The following PPCS variants were observed in gnomAD, a reference collection of about 807,000 sequenced individuals.
PPCS encodes phosphopantothenoylcysteine synthetase, also known as phosphopantothenate--cysteine ligase.
Under a neutral mutation model 24.6 loss-of-function variants are expected in PPCS, and 17 were observed. That is an observed-to-expected ratio of 0.69 (90% CI 0.47 to 1.04). The LOEUF is 1.04. PPCS is among the 50% of genes least tolerant of loss of function. The probability of loss-of-function intolerance (pLI) is 0.00; values close to 1 mark genes in which losing one functional copy is unlikely to be tolerated. For missense variants in PPCS, 360 were observed against 402.8 expected (o/e 0.89, Z 0.91); for synonymous variants, 190 against 168.3 (o/e 1.13, Z -1.00).
chr1:42,461,474 T>C (rs886372870), downstream of PPCS, among the ~76,000 whole-genome samples: 1 of 151,974 alleles, frequency 6.6e-6, no homozygotes, highest in African/African-American at 2.4e-5. Flanking sequence ...CAGCTGAGAC[T>C]ACAGGTGTGT....
In PPCS at chr1:42,459,850, A is replaced by G; in HGVS notation, c.860A>G (p.Lys287Arg). 1 of 1,614,206 alleles carries G rather than the reference A, an allele frequency of 6.2e-7. No homozygotes were observed. Among genetic ancestry groups the G allele is most frequent in the Non-Finnish European group, 8.5e-7 (1 of 1,180,042 alleles). The part of the protein sequence containing the change: ...KLLLSEEEIE[K>R]GVEIEEKIVD... ...TTGCTATCAGAGGAAGAAATAGAAA[A>G]AGGCGTAGAGATAGAAGAGAAGATA... The change falls in exon 3 of 3, where the codon AAA (lysine) becomes AGA (arginine). Residue 287 changes from lysine (K) to arginine (R), a missense_variant. Coordinates refer to ENST00000372561, the MANE Select transcript of PPCS (RefSeq NM_024664.4).
chr1:42,460,815 CAAATG>C lies in PPCS; in HGVS notation c.*894_*898del, dbSNP rs569429104. Among the ~76,000 whole-genome samples, 2 of 152,324 alleles carry C rather than the reference CAAATG, an allele frequency of 1.3e-5. No homozygotes were observed. Among genetic ancestry groups the C allele is most frequent in the African/African-American group, 4.8e-5 (2 of 41,576 alleles). On this transcript the variant is annotated 3_prime_UTR_variant, in exon 3 of 3. Transcript: ENST00000372561. ...AAGTAATGCCATTTATTGTGAGGAT[CAAATG>C]AAATAGCAAAAAGAAAGCATCAGTC...
At chr1:42,465,746 G>A (rs1557784319), downstream of PPCS, among the ~76,000 whole-genome samples, 2 of 152,164 alleles carry the variant, frequency 1.3e-5, no homozygotes. Context: ...AGCATTTTTA[G>A]TTGTCACAAC....
downstream of PPCS, among the ~76,000 whole-genome samples, chr1:42,466,086 ATGTG>A: frequency 6.6e-6 from 1 of 152,276 alleles, no homozygotes; most frequent in Non-Finnish European, 1.5e-5. Context: ...TTTATTTAAG[ATGTG>A]TGTGAGTTTT....
rs878975761 is a variant in PPCS at position 42,460,410 on chromosome 1, A to G, written c.*484A>G. On this transcript the variant is annotated 3_prime_UTR_variant, in exon 3 of 3. Coordinates refer to ENST00000372561, the MANE Select transcript of PPCS (RefSeq NM_024664.4). ...GTGTGTCCAAAAGCTGACACAATGG[A>G]AAGGATGTTTTGTTTTGTTTGAAAT... 3 of 985,260 alleles carry G rather than the reference A, an allele frequency of 3.0e-6. No homozygotes were observed. The Admixed American group carries it at 1.8e-4, about 60-fold the overall frequency. The allele number at this position is 985,260 out of a possible 1,614,324, so 61.0% of individuals were successfully genotyped here.
chr1:42,457,326 C>T lies in PPCS; in HGVS notation c.588C>T (p.Ile196=), dbSNP rs754044197. 1.2e-6 allele frequency: 2 copies of T among 1,614,016 alleles called. No homozygotes were observed. The highest frequency in any genetic ancestry group is 8.5e-7 in the Non-Finnish European group (1 of 1,179,996). Reference sequence around the variant, plus strand: ...TCTCTGAAATGCCTGAACACAAGATCCAGTCATCTGGGGGCCCACTGCAGG... The same window carrying T: ...TCTCTGAAATGCCTGAACACAAGATTCAGTCATCTGGGGGCCCACTGCAGG... ...VPVSEMPEHK[I]QSSGGPLQIT... Residue 196 remains isoleucine (I), a synonymous_variant, in exon 2 of 3, where the codon ATC becomes ATT. Coordinates refer to ENST00000372561, the MANE Select transcript of PPCS (RefSeq NM_024664.4).
chr1:42,466,121 G>GTATTCTT, downstream of PPCS, among the ~76,000 whole-genome samples: 1 of 152,292 alleles, frequency 6.6e-6, no homozygotes, highest in East Asian at 1.9e-4. Flanking sequence ...TGTGTGAAAG[G>GTATTCTT]AGTGGAAAAT....
At position 42,456,562 on chromosome 1, in the gene PPCS, G is replaced by A. The variant is rs1643189587; in HGVS notation, c.-4G>A. On this transcript the variant is annotated 5_prime_UTR_variant, in exon 1 of 3. Transcript: ENST00000372561. Reference sequence around the variant, plus strand: ...GTGCGCAGGCGCCGGCCGCTGCGCTGCAGATGGCGGAAATGGATCCGGTAG... The same window carrying A: ...GTGCGCAGGCGCCGGCCGCTGCGCTACAGATGGCGGAAATGGATCCGGTAG... The A allele has an allele frequency of 2.0e-6, 3 of 1,470,784 alleles. No individual in the cohort carries two copies. The highest frequency in any genetic ancestry group is 1.4e-5 in the African/African-American group (1 of 69,914). The allele number at this position is 1,470,784 out of a possible 1,614,324, so 91.1% of individuals were successfully genotyped here. A position where few individuals can be genotyped will look rare whatever the true frequency, so the allele number is the denominator to read the frequency against.
intron 2 of PPCS, among the ~76,000 whole-genome samples, chr1:42,458,376 G>A (rs1043684503): frequency 6.6e-6 from 1 of 152,136 alleles, no homozygotes; most frequent in Non-Finnish European, 1.5e-5. Context: ...GGAGTTCTTA[G>A]TCATTTATTG....
intron 2 of PPCS, 163 bp downstream of exon 2, chr1:42,457,513 A>T: frequency 1.6e-6 from 1 of 639,792 alleles, no homozygotes; most frequent in Non-Finnish European, 2.8e-6. Flanking sequence ...CAATCTAGTG[A>T]GGGAGCTGGA....
chr1:42,456,487 G>C, upstream of PPCS: 5 of 1,381,324 alleles, frequency 3.6e-6, no homozygotes, highest in Non-Finnish European at 4.7e-6. Flanking sequence ...GTACGGCGCG[G>C]CGCGTACACC....
intron 2 of PPCS, among the ~76,000 whole-genome samples, chr1:42,470,790 A>G (rs1643745848): frequency 6.6e-6 from 1 of 152,180 alleles, no homozygotes; most frequent in African/African-American, 2.4e-5. Context: ...AGAGATTCCC[A>G]GGGCCTGGGG....
intron 2 of PPCS, among the ~76,000 whole-genome samples, chr1:42,471,381 A>T (rs978906745): frequency 3.3e-5 from 5 of 152,148 alleles, no homozygotes; most frequent in African/African-American, 1.2e-4. Context: ...TTATTTTCTA[A>T]TTACCTCATC....
chr1:42,466,665 C>T (rs6686189), intron 2 of PPCS, among the ~76,000 whole-genome samples: 33,935 of 151,580 alleles, frequency 0.22, 4,882 homozygotes, highest in Non-Finnish European at 0.31. Flanking sequence ...GATTCTCCTG[C>T]CTCAGCCTCC....
At chr1:42,456,542 C>G (rs116609328), upstream of PPCS, 25 of 1,447,434 alleles carry the variant, frequency 1.7e-5, no homozygotes, top group African/African-American at 3.5e-4. Flanking sequence ...GAAACGTGCG[C>G]AGGCGCCGGC....
chr1:42,462,832 T>A (rs1206320671), downstream of PPCS, among the ~76,000 whole-genome samples: 2 of 152,184 alleles, frequency 1.3e-5, no homozygotes, highest in African/African-American at 2.4e-5. Flanking sequence ...CTTTTTACAA[T>A]AATAAGCTGG....
chr1:42,467,193 A>G lies in PPCS; in HGVS notation n.378-5929A>G, dbSNP rs186277764. ...TGTGAAGAATATCTGGTCCCAAGCTAAAGGGTTTGAACTCTACATGAAAGC... is the reference window on the plus strand; with the variant it reads ...TGTGAAGAATATCTGGTCCCAAGCTGAAGGGTTTGAACTCTACATGAAAGC... On this transcript the variant is annotated intron_variant and non_coding_transcript_variant, in intron 2 of 2. Transcript: ENST00000471420. 2.3e-3 allele frequency among the ~76,000 whole-genome samples: 353 copies of G among 152,324 alleles called. 2 individuals carry two copies. The highest frequency in any genetic ancestry group is 3.1e-3 in the Non-Finnish European group (212 of 68,026).
In PPCS at chr1:42,456,793, C is replaced by T; in HGVS notation, c.228C>T (p.Ala76=). 7 of 1,613,212 alleles carry T rather than the reference C, an allele frequency of 4.3e-6. No individual in the cohort carries two copies. Among genetic ancestry groups the T allele is most frequent in the South Asian group, 3.3e-5 (3 of 91,070 alleles). Residue 76 remains alanine (A), a synonymous_variant, in exon 1 of 3, where the codon GCC becomes GCT. Transcript: ENST00000372561. ...GATSAEAFLA[A]GYGVLFLYRA... is the part of the protein sequence containing the mutation. ...CCTCGGCCGAGGCCTTCCTAGCCGC[C>T]GGCTACGGGGTCCTGTTCTTGTATC...
downstream of PPCS, among the ~76,000 whole-genome samples, chr1:42,465,284 C>G (rs542066396): frequency 7.2e-5 from 11 of 152,288 alleles, no homozygotes; most frequent in African/African-American, 2.6e-4. Flanking sequence ...GCGCTCCAAC[C>G]TGGGCTACAG....
Sources: gnomAD v4.1 joint callset for allele counts (sites outside exome capture counted in the v4.1 genomes callset) on GRCh38, gnomAD v4.1.1 for gene constraint, MANE v1.5 for transcripts, NCBI Gene and HGNC (gene_info 2026-07-23, HGNC 2026-07-21) for gene names.